The following BLCAP variants were observed in gnomAD, a reference collection of about 807,000 sequenced individuals.
The protein encoded by BLCAP is apoptosis inducing factor BLCAP.
A neutral mutation model predicts 5.7 loss-of-function variants in BLCAP; 1 was observed. The observed-to-expected ratio is 0.18, with a 90% CI of 0.06 to 0.83. BLCAP has a LOEUF of 0.83. Among genes scored for constraint, BLCAP ranks in the 40% least tolerant of loss-of-function variants. BLCAP has a pLI of 0.71. For missense variants in BLCAP, 66 were observed against 107.6 expected (o/e 0.61, Z 1.71); for synonymous variants, 48 against 49.4 (o/e 0.97, Z 0.11).
intron 1 of BLCAP, chr20:37,523,007 G>A (rs2071642491): frequency 1.3e-5 from 6 of 460,806 alleles, no homozygotes; most frequent in South Asian, 8.4e-5. Context: ...AGAGGAGGGG[G>A]GATAGGGGGA....
At position 37,521,170 on chromosome 20, in the gene BLCAP, C is replaced by A. The variant is rs1051721695; in HGVS notation, c.-176-1820G>T. ...ATGAGGAGCGCCCCCAGCCACCCCT[C>A]CTCATAAACACCCCCCAAGGCGCGC... is the stretch of plus-strand genomic sequence containing the variant. On this transcript the variant is annotated intron_variant, in intron 1 of 1. Transcript: ENST00000373537. The surrounding 1 kb of genome is among the most constrained non-coding windows in gnomAD (Gnocchi z 4.5). 2.8e-6 allele frequency: 2 copies of A among 711,436 alleles called. No individual in the cohort carries two copies. Among genetic ancestry groups the A allele is most frequent in the Non-Finnish European group, 5.0e-6 (2 of 400,482 alleles). The allele number at this position is 711,436 out of a possible 1,614,324, so 44.1% of individuals were successfully genotyped here.
rs1025822848 is a variant in BLCAP at position 37,517,962 on chromosome 20, T to C, written c.*949A>G. 2.0e-5 allele frequency: 3 copies of C among 150,704 alleles called. No individual in the cohort carries two copies. The allele number at this position is 150,704 out of a possible 1,614,324, so 9.3% of individuals were successfully genotyped here. ...TTCGATAAAGCTTCTTTAAAAGGAA[T>C]ATACACATGTATTTGTACACACACA... On this transcript the variant is annotated 3_prime_UTR_variant, in exon 2 of 2. Coordinates refer to ENST00000373537, the MANE Select transcript of BLCAP (RefSeq NM_006698.4).
chr20:37,525,508 T>A (rs1358550482), intron 1 of BLCAP, among the ~76,000 whole-genome samples: 1 of 152,188 alleles, frequency 6.6e-6, no homozygotes, highest in African/African-American at 2.4e-5. Context: ...GATGACAGAT[T>A]TCCAGGCAAG....
At chr20:37,524,633 C>G (rs1250552158) in intron 1 of BLCAP, 2 of 152,404 alleles carry the variant, frequency 1.3e-5, no homozygotes, top group Non-Finnish European at 2.9e-5. Flanking sequence ...CCTGCCACTT[C>G]TTCGAATCCC....
chr20:37,521,239 G>A lies in BLCAP; in HGVS notation c.-176-1889C>T. 7.4e-7 allele frequency: 1 copy of A among 1,356,094 alleles called. No homozygotes were observed. The highest frequency in any genetic ancestry group is 1.1e-6 in the Non-Finnish European group (1 of 949,202). The allele number at this position is 1,356,094 out of a possible 1,614,324, so 84.0% of individuals were successfully genotyped here. On this transcript the variant is annotated intron_variant, in intron 1 of 1. Transcript: ENST00000373537. The surrounding 1 kb of genome is among the most constrained non-coding windows in gnomAD (Gnocchi z 4.5). Reference sequence around the variant, plus strand: ...GGCGGGTACTTAAGGCGCGGCCACCGCGGCTGCGGCAGTGCGCCCAACAGC... The same window carrying A: ...GGCGGGTACTTAAGGCGCGGCCACCACGGCTGCGGCAGTGCGCCCAACAGC...
rs2071559496 is a variant in BLCAP at position 37,521,299 on chromosome 20, T to C, written c.-176-1949A>G. 7 of 1,611,684 alleles carry C rather than the reference T, an allele frequency of 4.3e-6. No homozygotes were observed. The highest frequency in any genetic ancestry group is 5.9e-6 in the Non-Finnish European group (7 of 1,177,872). Reference sequence around the variant, plus strand: ...GACCAGCGGATCTCGGCAAACCCTCTTTCTCGACCACCCACCTACCATTCT... The same window carrying C: ...GACCAGCGGATCTCGGCAAACCCTCCTTCTCGACCACCCACCTACCATTCT... On this transcript the variant is annotated intron_variant, in intron 1 of 1. Coordinates refer to ENST00000373537, the MANE Select transcript of BLCAP (RefSeq NM_006698.4). This position sits in a 1 kb window ranked among gnomAD's most constrained non-coding sequence, Gnocchi z 4.5.
intron 1 of BLCAP, among the ~76,000 whole-genome samples, chr20:37,519,641 G>A (rs992244263): frequency 3.3e-5 from 5 of 152,296 alleles, no homozygotes; most frequent in African/African-American, 1.2e-4. Context: ...CACACAGTGG[G>A]CTGGCTTTGC....
Position 37,518,711 on chromosome 20 carries a change from C to T in BLCAP, c.*200G>A, listed in dbSNP as rs1010579715. The T allele has an allele frequency of 1.3e-6, 1 of 765,942 alleles. No homozygotes were observed. The highest frequency in any genetic ancestry group is 2.0e-6 in the Non-Finnish European group (1 of 490,946). 47.4% of individuals were successfully genotyped at this position (765,942 alleles called of 1,614,324 possible). A position where few individuals can be genotyped will look rare whatever the true frequency, so the allele number is the denominator to read the frequency against. On this transcript the variant is annotated 3_prime_UTR_variant, in exon 2 of 2. Coordinates refer to ENST00000373537, the MANE Select transcript of BLCAP (RefSeq NM_006698.4). ...ACACACACAACCACAAGACCACCCACGACTATAGGACTTTACAATAAAAGC... is the reference window on the plus strand; with the variant it reads ...ACACACACAACCACAAGACCACCCATGACTATAGGACTTTACAATAAAAGC...
intron 1 of BLCAP, chr20:37,522,900 G>A: frequency 3.0e-6 from 2 of 662,704 alleles, no homozygotes; most frequent in African/African-American, 1.8e-5. Flanking sequence ...TCAGTGAGGG[G>A]CCAGTAGACC....
chr20:37,520,687 T>TAA (rs1234275380), intron 1 of BLCAP: 2 of 152,336 alleles, frequency 1.3e-5, no homozygotes, highest in East Asian at 3.9e-4. Flanking sequence ...CTCGCTACCG[T>TAA]AAGAGAGATG....
In BLCAP at chr20:37,521,910, A is replaced by G. The variant is rs2071590391; in HGVS notation, c.-176-2560T>C. 6.6e-6 allele frequency among the ~76,000 whole-genome samples: 1 copy of G among 151,806 alleles called. No individual in the cohort carries two copies. The highest frequency in any genetic ancestry group is 1.5e-5 in the Non-Finnish European group (1 of 67,980). On this transcript the variant is annotated intron_variant, in intron 1 of 1. Transcript: ENST00000373537. The surrounding 1 kb of genome is among the most constrained non-coding windows in gnomAD (Gnocchi z 4.5). Reference sequence around the variant, plus strand: ...AAAAAATAAAAATTACTTCGCAAAAAAAAAAAACCCTACAACGAATTAGAG... The same window carrying G: ...AAAAAATAAAAATTACTTCGCAAAAGAAAAAAACCCTACAACGAATTAGAG...
intron 1 of BLCAP, among the ~76,000 whole-genome samples, chr20:37,527,309 A>C (rs2071740168): frequency 6.6e-6 from 1 of 152,006 alleles, no homozygotes; most frequent in Non-Finnish European, 1.5e-5. Context: ...CCAGACACCG[A>C]AGCGGAGCCT....
At chr20:37,525,391 CT>C (rs2071701298) in intron 1 of BLCAP, among the ~76,000 whole-genome samples, 1 of 152,238 alleles carries the variant, frequency 6.6e-6, no homozygotes, top group African/African-American at 2.4e-5. Context: ...TGTGCCCCCA[CT>C]TAGAGGACAA....
Position 37,519,185 on chromosome 20 carries a change from G to C in BLCAP, c.-11C>G, listed in dbSNP as rs755134584. The C allele has an allele frequency of 6.4e-7, 1 of 1,568,384 alleles. No homozygotes were observed. The highest frequency in any genetic ancestry group is 8.6e-7 in the Non-Finnish European group (1 of 1,156,408). On this transcript the variant is annotated 5_prime_UTR_variant, in exon 2 of 2. Coordinates refer to ENST00000373537, the MANE Select transcript of BLCAP (RefSeq NM_006698.4). ...CTGGAGGCAATACATGATCTCTGCC[G>C]GGCAGGGCCTTCACCAAGGCTGCCG... is the stretch of plus-strand genomic sequence containing the variant.
intron 1 of BLCAP, chr20:37,523,745 T>C (rs1206503180): frequency 6.6e-6 from 1 of 152,452 alleles, no homozygotes; most frequent in Admixed American, 6.5e-5. Flanking sequence ...AAGACTCAGC[T>C]GATGTGCCCA....
chr20:37,522,842 G>C, intron 1 of BLCAP: 1 of 1,291,112 alleles, frequency 7.7e-7, no homozygotes, highest in East Asian at 2.5e-5. Flanking sequence ...TGCCGCGCAG[G>C]AATGTGGGGT....
intron 1 of BLCAP, chr20:37,526,850 AC>A (rs1245795851): frequency 3.3e-5 from 5 of 152,224 alleles, no homozygotes; most frequent in Non-Finnish European, 4.4e-5. Context: ...TGGCATTAGC[AC>A]TTAAGCTGGA....
rs1336514656 is a variant in BLCAP at position 37,521,284 on chromosome 20, T to A, written c.-176-1934A>T. ...AACAGCGGACTCCGAGACCAGCGGATCTCGGCAAACCCTCTTTCTCGACCA... is the reference window on the plus strand; with the variant it reads ...AACAGCGGACTCCGAGACCAGCGGAACTCGGCAAACCCTCTTTCTCGACCA... On this transcript the variant is annotated intron_variant, in intron 1 of 1. Coordinates refer to ENST00000373537, the MANE Select transcript of BLCAP (RefSeq NM_006698.4). The surrounding 1 kb of genome is among the most constrained non-coding windows in gnomAD (Gnocchi z 4.5). 6.3e-7 allele frequency: 1 copy of A among 1,596,590 alleles called. No individual in the cohort carries two copies. Among genetic ancestry groups the A allele is most frequent in the Admixed American group, 1.7e-5 (1 of 59,948 alleles).
chr20:37,526,611 A>G (rs559995133), intron 1 of BLCAP: 2 of 152,340 alleles, frequency 1.3e-5, no homozygotes, highest in African/African-American at 4.8e-5. Flanking sequence ...AGATAGGAGA[A>G]CAACAACAAA....
Sources: gnomAD v4.1 joint callset for allele counts (sites outside exome capture counted in the v4.1 genomes callset) on GRCh38, gnomAD v4.1.1 for gene constraint, Gnocchi (gnomAD v3.1) non-coding constraint, MANE v1.5 for transcripts, NCBI Gene and HGNC (gene_info 2026-07-23, HGNC 2026-07-21) for gene names.